TBX15: variants seen among roughly 807,000 people sequenced by gnomAD.
TBX15 encodes the protein T-box transcription factor TBX15.
In TBX15, 18 loss-of-function variants were observed where a neutral mutation model predicts 53.9. That is an observed-to-expected ratio of 0.33 (90% confidence interval 0.23 to 0.49). TBX15 has a LOEUF of 0.49. TBX15 is among the 20% of genes least tolerant of loss of function. TBX15 has a pLI of 0.98. For missense variants in TBX15, 692 were observed against 749.5 expected, an observed-to-expected ratio of 0.92 and a Z score of 0.90; for synonymous variants, 295 against 278.0, an observed-to-expected ratio of 1.06 and a Z score of -0.61.
At chr1:118,955,368 A>T (rs1455119167) in intron 1 of TBX15, among the ~76,000 whole-genome samples, 1 of 152,216 alleles carries the variant, frequency 6.6e-6, no homozygotes, top group Admixed American at 6.5e-5. Flanking sequence ...GAAAAACTTT[A>T]TACTTATACA....
chr1:118,986,900 C>A (rs1194732747), intron 1 of TBX15, among the ~76,000 whole-genome samples: 1 of 152,144 alleles, frequency 6.6e-6, no homozygotes, highest in Non-Finnish European at 1.5e-5. Context: ...AAAATACAGA[C>A]ATGACATCCC....
intron 7 of TBX15, among the ~76,000 whole-genome samples, chr1:118,893,222 G>A (rs2101467086): frequency 1.3e-5 from 2 of 148,168 alleles, no homozygotes; most frequent in South Asian, 4.3e-4. Flanking sequence ...CTGGGTGACA[G>A]GGCAAAACTC....
At chr1:118,969,315 G>C (rs573486161) in intron 1 of TBX15, among the ~76,000 whole-genome samples, 1 of 152,186 alleles carries the variant, frequency 6.6e-6, no homozygotes, top group African/African-American at 2.4e-5. Flanking sequence ...ACCTTCTGGG[G>C]TTATTCTCTG....
intron 6 of TBX15, chr1:118,901,380 G>A: frequency 2.2e-6 from 1 of 456,626 alleles, no homozygotes; most frequent in Non-Finnish European, 4.4e-6. Flanking sequence ...ACAGCTCTCA[G>A]AGCCTAATCA....
At chr1:118,981,107 G>T (rs148402598) in intron 1 of TBX15, among the ~76,000 whole-genome samples, 1,778 of 152,206 alleles carry the variant, frequency 0.012, 27 homozygotes, top group African/African-American at 0.037. Flanking sequence ...AAGTGCTGGG[G>T]TTACAGGCAT....
At position 118,926,874 on chromosome 1, in the gene TBX15, TTGTGTG is replaced by T. The variant is rs34081549; in HGVS notation, c.420-269_420-264del. Among the ~76,000 whole-genome samples the T allele has an allele frequency of 0.3, 45,113 of 148,914 alleles. 6,996 individuals are homozygous for T. Among genetic ancestry groups the T allele is most frequent in the Middle Eastern group, 0.35 (103 of 294 alleles). ...GCATGAGCCACCACGCCCAGCTAAT[TTGTGTG>T]TGTGTGTGTGTGTGTGTGTGTGTTT... On this transcript the variant is annotated intron_variant, in intron 2 of 7. Transcript: ENST00000369429.
chr1:118,928,889 A>T (rs67761335), intron 2 of TBX15, among the ~76,000 whole-genome samples: 4,249 of 152,326 alleles, frequency 0.028, 88 homozygotes, highest in Middle Eastern at 0.051. Flanking sequence ...AAACAAAGGA[A>T]ATCGACTAGA....
intron 1 of TBX15, among the ~76,000 whole-genome samples, chr1:118,973,714 G>C (rs180978697): frequency 3.8e-4 from 58 of 151,996 alleles, no homozygotes; most frequent in Non-Finnish European, 6.8e-4. Context: ...CTAGGGAACT[G>C]TTACACCCAG....
At chr1:118,940,546 G>A (rs1656138836) in intron 1 of TBX15, among the ~76,000 whole-genome samples, 1 of 151,826 alleles carries the variant, frequency 6.6e-6, no homozygotes, top group African/African-American at 2.4e-5. Flanking sequence ...GCAGAATTTG[G>A]TTTATTTAGG....
intron 7 of TBX15, among the ~76,000 whole-genome samples, chr1:118,889,770 T>C (rs1654073765): frequency 6.6e-6 from 1 of 151,356 alleles, no homozygotes; most frequent in African/African-American, 2.4e-5. Flanking sequence ...TACAAAGTGC[T>C]CATAACTGTA....
chr1:118,924,891 A>G, intron 3 of TBX15, 74 bp from the exon 4 acceptor site: 2 of 1,541,426 alleles, frequency 1.3e-6, no homozygotes, highest in South Asian at 2.2e-5. Flanking sequence ...AAACAAGTTG[A>G]GACAGGGGAA....
At chr1:118,909,326 C>T (rs1571164919) in intron 6 of TBX15, among the ~76,000 whole-genome samples, 1 of 152,232 alleles carries the variant, frequency 6.6e-6, no homozygotes, top group East Asian at 1.9e-4. Flanking sequence ...GCTTGAACTC[C>T]TCTGAAATAA....
At chr1:118,936,154 A>C (rs1053787488) in intron 1 of TBX15, among the ~76,000 whole-genome samples, 5 of 152,170 alleles carry the variant, frequency 3.3e-5, no homozygotes, top group Non-Finnish European at 7.4e-5. Flanking sequence ...GCACATGCAC[A>C]TTTAATTGGA....
intron 7 of TBX15, among the ~76,000 whole-genome samples, chr1:118,885,927 A>G (rs1413387778): frequency 6.6e-6 from 1 of 152,174 alleles, no homozygotes; most frequent in African/African-American, 2.4e-5. Context: ...CCCATTCTTA[A>G]TGGAAATGCA....
In TBX15 at chr1:118,884,140, T is replaced by C; in HGVS notation, c.*592A>G. ...CCATTGGGAGGGTCTCCAGGATACA[T>C]GGTTCATTCCAGAAGCAGAGGAAGC... On this transcript the variant is annotated 3_prime_UTR_variant, in exon 8 of 8. Coordinates refer to ENST00000369429, the MANE Select transcript of TBX15 (RefSeq NM_001330677.2). The C allele has an allele frequency of 6.4e-6, 1 of 156,974 alleles. No individual in the cohort carries two copies. Among genetic ancestry groups the C allele is most frequent in the Non-Finnish European group, 1.4e-5 (1 of 70,720 alleles). 9.7% of individuals were successfully genotyped at this position (156,974 alleles called of 1,614,324 possible). A position where few individuals can be genotyped will look rare whatever the true frequency, so the allele number is the denominator to read the frequency against.
At chr1:118,934,166 T>G (rs1301728240) in intron 1 of TBX15, among the ~76,000 whole-genome samples, 1 of 152,090 alleles carries the variant, frequency 6.6e-6, no homozygotes, top group Non-Finnish European at 1.5e-5. Context: ...GACAAGCCAT[T>G]TAACCACAGG....
chr1:118,920,582 C>T (rs17022790), intron 5 of TBX15, among the ~76,000 whole-genome samples: 1,632 of 152,204 alleles, frequency 0.011, 33 homozygotes, highest in African/African-American at 0.038. Context: ...GACTCGGGGT[C>T]CAGCACTTGA....
intron 2 of TBX15, among the ~76,000 whole-genome samples, chr1:118,927,277 G>T (rs544853854): frequency 1.3e-5 from 2 of 152,140 alleles, no homozygotes; most frequent in Non-Finnish European, 2.9e-5. Context: ...GCATGTGTGT[G>T]CATGTGTGTA....
intron 6 of TBX15, among the ~76,000 whole-genome samples, chr1:118,912,354 C>G (rs886580699): frequency 6.6e-6 from 1 of 151,974 alleles, no homozygotes; most frequent in African/African-American, 2.4e-5. Flanking sequence ...ATAGACCTCT[C>G]TCCAGGAAAA....
Sources: allele counts gnomAD v4.1 joint callset (sites outside exome capture counted in the v4.1 genomes callset), GRCh38; gene constraint gnomAD v4.1.1; transcripts MANE v1.5; gene names NCBI Gene and HGNC (gene_info 2026-07-23, HGNC 2026-07-21).